AARS1: variants seen among roughly 807,000 people sequenced by gnomAD.
AARS1 encodes alanine--tRNA ligase, cytoplasmic.
A neutral mutation model predicts 108.9 loss-of-function variants in AARS1; 72 were observed. That is an observed-to-expected ratio of 0.66 (90% CI 0.55 to 0.80). The LOEUF (loss-of-function observed/expected upper bound fraction) is 0.80, where lower values mean the gene tolerates loss of function less well. Among genes scored for constraint, AARS1 ranks in the 30% least tolerant of loss-of-function variants. The pLI, the probability that AARS1 is intolerant of heterozygous loss-of-function variation, is 0.00. For synonymous variants in AARS1, 489 were observed against 465.7 expected (o/e 1.05, Z -0.64); for missense variants, 1,193 against 1,233.2 (o/e 0.97, Z 0.49).
At position 70,252,838 on chromosome 16, in the gene AARS1, T is replaced by C; in HGVS notation, c.2790A>G (p.Lys930=). ...GTGCAGACACATCCTTGCCACCACCTTTACCGTCCATCAAGCCTGACACCT... is the reference window on the plus strand; with the variant it reads ...GTGCAGACACATCCTTGCCACCACCCTTACCGTCCATCAAGCCTGACACCT... ...VQQVSGLMDG[K]GGGKDVSAQA... Residue 930 remains lysine, a synonymous_variant, in exon 21 of 21, where the codon AAA becomes AAG. Transcript: ENST00000261772. 2 of 1,614,156 alleles carry C rather than the reference T, an allele frequency of 1.2e-6. No individual in the cohort carries two copies. Among genetic ancestry groups the C allele is most frequent in the Non-Finnish European group, 8.5e-7 (1 of 1,180,030 alleles).
At position 70,262,334 on chromosome 16, in the gene AARS1, C is replaced by G; in HGVS notation, c.1671+12G>C. 6.2e-7 allele frequency: 1 copy of G among 1,614,166 alleles called. No homozygotes were observed. Among genetic ancestry groups the G allele is most frequent in the East Asian group, 2.2e-5 (1 of 44,878 alleles). ...GCCCTCCTCGGCTAACAAGGAAGAA[C>G]TGTTGGCTCACATCTTCACTGCTGT... On this transcript the variant is annotated intron_variant, in intron 12 of 20. Transcript: ENST00000261772.
At chr16:70,277,497 T>C (rs113737430) in intron 2 of AARS1, among the ~76,000 whole-genome samples, 1 of 152,102 alleles carries the variant, frequency 6.6e-6, no homozygotes, top group African/African-American at 2.4e-5. Context: ...ACCATCTTTC[T>C]GGAAGAACTT....
Position 70,258,210 on chromosome 16 carries a change from TAG to T in AARS1, c.1998_1999del (p.Thr668ProfsTer19), listed in dbSNP as rs1597435337. On this transcript the variant is annotated frameshift_variant, in exon 15 of 21. Coordinates refer to ENST00000261772, the MANE Select transcript of AARS1 (RefSeq NM_001605.3). LOFTEE classifies it high-confidence loss of function. ...TGCTGCCAGGGGGCAATCCTGGGTATAGACGGCCTGCCAGACCAAGAAGACAG... is the reference window on the plus strand; with the variant it reads ...TGCTGCCAGGGGGCAATCCTGGGTATACGGCCTGCCAGACCAAGAAGACAG... 11 of 1,591,698 alleles carry T rather than the reference TAG, an allele frequency of 6.9e-6. No homozygotes were observed. Among genetic ancestry groups the T allele is most frequent in the Non-Finnish European group, 9.4e-6 (11 of 1,168,146 alleles).
intron 9 of AARS1, among the ~76,000 whole-genome samples, chr16:70,267,343 G>T (rs953504305): frequency 6.6e-6 from 1 of 152,078 alleles, no homozygotes; most frequent in African/African-American, 2.4e-5. Context: ...ACATGTATTT[G>T]CATGCAAACA....
In AARS1 at chr16:70,253,304, C is replaced by T. The variant is rs1050825225; in HGVS notation, c.2685G>A (p.Glu895=). 1.2e-6 allele frequency: 2 copies of T among 1,614,200 alleles called. No homozygotes were observed. The highest frequency in any genetic ancestry group is 1.3e-5 in the African/African-American group (1 of 75,058). Residue 895 remains glutamate (E), a synonymous_variant, in exon 20 of 21, where the codon GAG becomes GAA. Transcript: ENST00000261772. ...GACACAGGCACGTGATCTTGCCAGCCTCATTGTCCACCGTGAAGAGCATGG... is the reference window on the plus strand; with the variant it reads ...GACACAGGCACGTGATCTTGCCAGCTTCATTGTCCACCGTGAAGAGCATGG... ...TSAMLFTVDN[E]AGKITCLCQV...
Position 70,261,063 on chromosome 16 carries a change from A to G in AARS1, c.1766T>C (p.Val589Ala), listed in dbSNP as rs201863363. The change falls in exon 13 of 21, where the codon GTC becomes GCC. Residue 589 changes from valine (V) to alanine (A), a missense_variant. Transcript: ENST00000261772. ...ACTCACCTCATCAATAAACAGCCAG[A>G]CCTGATCCCCCACTTTCAGGTCACC... ...IYGDLKVGDQVWLFIDEPRRR... is the reference protein window; with the variant it reads ...IYGDLKVGDQAWLFIDEPRRR... 6.2e-7 allele frequency: 1 copy of G among 1,613,482 alleles called. No individual in the cohort carries two copies. Among genetic ancestry groups the G allele is most frequent in the Admixed American group, 1.7e-5 (1 of 59,954 alleles).
At chr16:70,253,228 T>C (rs1427862847) in intron 20 of AARS1, 40 bp downstream of exon 20, 1 of 1,525,854 alleles carries the variant, frequency 6.6e-7, no homozygotes, top group Admixed American at 1.7e-5. Flanking sequence ...CCAACAACCT[T>C]AAGACCTAAC....
intron 4 of AARS1, among the ~76,000 whole-genome samples, chr16:70,273,818 G>A (rs1169347989): frequency 7.1e-6 from 1 of 141,290 alleles, no homozygotes; most frequent in Non-Finnish European, 1.5e-5. Flanking sequence ...AGCCAAGATC[G>A]CGCCACTGCA....
chr16:70,270,469 TG>T, intron 5 of AARS1, 129 bp from the exon 6 acceptor site: 1 of 1,152,192 alleles, frequency 8.7e-7, no homozygotes, highest in Non-Finnish European at 1.3e-6. Context: ...CCCGGTTTGG[TG>T]GGAAGAGGGA....
Position 70,275,386 on chromosome 16 carries a change from C to T in AARS1, c.479+1100G>A, listed in dbSNP as rs948317085. On this transcript the variant is annotated intron_variant, in intron 4 of 20. Coordinates refer to ENST00000261772, the MANE Select transcript of AARS1 (RefSeq NM_001605.3). ...ATCCCAGCACTTTGGGAGGCCACGG[C>T]GGGCAGATCACGAGGTCAGGAGATC... Among the ~76,000 whole-genome samples, 10 of 151,978 alleles carry T rather than the reference C, an allele frequency of 6.6e-5. No homozygotes were observed. The South Asian group carries it at 1.0e-3, about 16-fold the overall frequency.
chr16:70,271,260 G>A (rs951063725), intron 5 of AARS1, among the ~76,000 whole-genome samples: 1 of 152,014 alleles, frequency 6.6e-6, no homozygotes, highest in Admixed American at 6.6e-5. Context: ...CTGGCACGGT[G>A]GCTCACACCT....
intron 11 of AARS1, 95 bp from the exon 12 acceptor site, chr16:70,262,619 C>T (rs551894075): frequency 4.9e-6 from 6 of 1,224,956 alleles, no homozygotes; most frequent in Non-Finnish European, 6.8e-6. Context: ...TTCGCAAACT[C>T]TTCTTAGCTC....
At chr16:70,284,214 G>C (rs1246366778) in intron 1 of AARS1, among the ~76,000 whole-genome samples, 3 of 152,016 alleles carry the variant, frequency 2.0e-5, no homozygotes, top group Admixed American at 1.3e-4. Context: ...GCTGAGGCAG[G>C]AGAATGGCAC....
chr16:70,283,843 A>T (rs894709090), intron 1 of AARS1, among the ~76,000 whole-genome samples: 1 of 152,174 alleles, frequency 6.6e-6, no homozygotes, highest in Non-Finnish European at 1.5e-5. Context: ...CTGTAGCCCC[A>T]CTTTGGAGGC....
chr16:70,253,478 C>A (rs1567600808), intron 19 of AARS1, 97 bp from the exon 20 acceptor site: 28 of 1,136,730 alleles, frequency 2.5e-5, no homozygotes, highest in Non-Finnish European at 3.5e-5. Context: ...CCCACCCCTA[C>A]CCCTTCCCAG....
intron 14 of AARS1, among the ~76,000 whole-genome samples, chr16:70,258,573 T>C (rs1045473342): frequency 6.6e-6 from 1 of 152,054 alleles, no homozygotes; most frequent in African/African-American, 2.4e-5. Flanking sequence ...AAACAAACTT[T>C]TTTTTTTTTT....
intron 6 of AARS1, among the ~76,000 whole-genome samples, 165 bp from the exon 7 acceptor site, chr16:70,269,928 G>C (rs1960356623): frequency 6.6e-6 from 1 of 151,982 alleles, no homozygotes; most frequent in South Asian, 2.1e-4. Context: ...AGAGACTCCA[G>C]CCAGCCCCTA....
At chr16:70,279,835 T>C (rs1213352246) in intron 2 of AARS1, among the ~76,000 whole-genome samples, 1 of 152,078 alleles carries the variant, frequency 6.6e-6, no homozygotes, top group African/African-American at 2.4e-5. Flanking sequence ...CCACCTAAAA[T>C]TAATGCCTCC....
At position 70,271,873 on chromosome 16, in the gene AARS1, G is replaced by A. The variant is rs752151553; in HGVS notation, c.579C>T (p.Asp193=). The change falls in exon 5 of 21, where the codon GAC becomes GAT. Residue 193 remains aspartate (D), a synonymous_variant. Transcript: ENST00000261772. ...PCGPCSEIHY[D]RIGGRDAAHL... is the part of the protein sequence containing the mutation. ...GTGCGGCGTCCCGACCACCAATCCG[G>A]TCGTAGTGGATCTCACTGCAAGGAC... The A allele has an allele frequency of 1.2e-6, 2 of 1,614,138 alleles. No homozygotes were observed. The highest frequency in any genetic ancestry group is 1.1e-5 in the South Asian group (1 of 91,082).
Sources: gnomAD v4.1 joint callset for allele counts (sites outside exome capture counted in the v4.1 genomes callset) on GRCh38, gnomAD v4.1.1 for gene constraint, MANE v1.5 for transcripts, NCBI Gene and HGNC (gene_info 2026-07-23, HGNC 2026-07-21) for gene names.